CAMTA1: variants seen among roughly 807,000 people sequenced by gnomAD.
CAMTA1 encodes the protein calmodulin binding transcription activator 1.
CAMTA1 carries 27 observed loss-of-function variants against 170.9 expected under a neutral mutation model. That is an observed-to-expected ratio of 0.16 (90% CI 0.12 to 0.22). The LOEUF (loss-of-function observed/expected upper bound fraction) is 0.22. CAMTA1 is among the 10% of genes least tolerant of loss of function. CAMTA1 has a pLI of 1.00. For missense variants in CAMTA1, 1,619 were observed against 2,217.2 expected (o/e 0.73, Z 5.42); for synonymous variants, 833 against 891.5 (o/e 0.93, Z 1.17).
intron 6 of CAMTA1, among the ~76,000 whole-genome samples, chr1:7,525,028 A>T (rs2094414268): frequency 6.6e-6 from 1 of 152,122 alleles, no homozygotes; most frequent in Admixed American, 6.5e-5. Flanking sequence ...AGGGCTGCAG[A>T]CCTGCCCTTG....
intron 4 of CAMTA1, among the ~76,000 whole-genome samples, chr1:7,221,924 C>CACAT (rs1553276976): frequency 1.8e-4 from 27 of 149,762 alleles, no homozygotes; most frequent in Admixed American, 1.8e-3. Flanking sequence ...CACACACACA[C>CACAT]ACATACACAC....
At chr1:7,233,737 G>A (rs74051679) in intron 4 of CAMTA1, among the ~76,000 whole-genome samples, 20,373 of 152,096 alleles carry the variant, frequency 0.13, 4,015 homozygotes, top group African/African-American at 0.43. Context: ...CGGAATTCTC[G>A]GAGGATCCAC....
chr1:7,288,616 G>A (rs1574455714), intron 5 of CAMTA1, among the ~76,000 whole-genome samples: 2 of 152,322 alleles, frequency 1.3e-5, no homozygotes, highest in South Asian at 4.1e-4. Context: ...TGAATCAAAA[G>A]TTGAGAAGGA....
At chr1:6,840,853 C>T (rs1212793934) in intron 3 of CAMTA1, among the ~76,000 whole-genome samples, 1 of 152,174 alleles carries the variant, frequency 6.6e-6, no homozygotes, top group Non-Finnish European at 1.5e-5. Context: ...AGGAGAAGGA[C>T]ATGTTTTAAG....
intron 3 of CAMTA1, among the ~76,000 whole-genome samples, chr1:7,046,007 C>A (rs12034823): frequency 0.15 from 22,308 of 152,114 alleles, 2,270 homozygotes; most frequent in African/African-American, 0.29. Flanking sequence ...GCATCCAAAA[C>A]CCAGCTCTTC....
At chr1:7,056,678 C>T (rs916616176) in intron 3 of CAMTA1, among the ~76,000 whole-genome samples, 47 of 151,804 alleles carry the variant, frequency 3.1e-4, no homozygotes, top group African/African-American at 1.1e-3. Flanking sequence ...GAGGCAGACC[C>T]CCGAGGGACT....
Position 7,732,567 on chromosome 1 carries a change from A to G in CAMTA1, c.3034A>G (p.Ser1012Gly). The stretch of plus-strand genomic sequence containing the variant: ...CGGAGGCGGCAGCAGTGGAGGCGGC[A>G]GCGGGAGCGGGAATGGAGGGAGCCA... ...ASGGGSSGGG[S>G]GSGNGGSQAQ... The change falls in exon 12 of 23, where the codon AGC (serine) becomes GGC (glycine). Residue 1012 changes from serine (S) to glycine (G), a missense_variant. This residue lies in a region of CAMTA1 where 143 missense variants were observed against 184.2 expected (regional missense o/e 0.78). Coordinates refer to ENST00000303635, the MANE Select transcript of CAMTA1 (RefSeq NM_015215.4). The surrounding 1 kb of genome is among the most constrained non-coding windows in gnomAD (Gnocchi z 4.1). The G allele has an allele frequency of 6.2e-7, 1 of 1,611,624 alleles. No homozygotes were observed. Among genetic ancestry groups the G allele is most frequent in the South Asian group, 1.1e-5 (1 of 90,764 alleles).
Position 7,205,291 on chromosome 1 carries a change from C to T in CAMTA1, c.303-44200C>T, listed in dbSNP as rs1022314299. ...GCTAATTTTGTATTTTTAATAGAGACGGGGTTTCACTAAGTTGGTCAGGCT... is the reference window on the plus strand; with the variant it reads ...GCTAATTTTGTATTTTTAATAGAGATGGGGTTTCACTAAGTTGGTCAGGCT... On this transcript the variant is annotated intron_variant, in intron 4 of 22. Coordinates refer to ENST00000303635, the MANE Select transcript of CAMTA1 (RefSeq NM_015215.4). Among the ~76,000 whole-genome samples, 74 of 152,188 alleles carry T rather than the reference C, an allele frequency of 4.9e-4. 1 individual carries two copies. The highest frequency in any genetic ancestry group is 1.6e-3 in the African/African-American group (65 of 41,504).
intron 11 of CAMTA1, among the ~76,000 whole-genome samples, chr1:7,724,838 G>C (rs77298923): frequency 7.7e-6 from 1 of 129,900 alleles, no homozygotes. Flanking sequence ...AAAAAAAAAA[G>C]ATCGCATGTA....
intron 1 of CAMTA1, among the ~76,000 whole-genome samples, chr1:6,819,217 A>T (rs1646195572): frequency 6.6e-6 from 1 of 152,206 alleles, no homozygotes; most frequent in Non-Finnish European, 1.5e-5. Context: ...AGGATGAATA[A>T]TCTAAAATTT....
intron 5 of CAMTA1, among the ~76,000 whole-genome samples, chr1:7,329,439 T>C (rs1451321396): frequency 1.3e-5 from 2 of 152,238 alleles, no homozygotes; most frequent in African/African-American, 2.4e-5. Flanking sequence ...CAAGAGATTC[T>C]AAAATTCTTT....
At chr1:7,661,657 C>T (rs757476365) in intron 7 of CAMTA1, 69 bp from the exon 8 acceptor site, 5 of 1,574,048 alleles carry the variant, frequency 3.2e-6, no homozygotes, top group Non-Finnish European at 3.5e-6. Context: ...TGGGTCCTAC[C>T]CCTTGGCCCC....
chr1:7,720,105 G>GT (rs1268525245), intron 11 of CAMTA1, among the ~76,000 whole-genome samples: 1 of 152,200 alleles, frequency 6.6e-6, no homozygotes, highest in East Asian at 1.9e-4. Context: ...AAGTTCTCAC[G>GT]TTTGCCGATA....
chr1:7,290,903 TGAG>T (rs1210930140), intron 5 of CAMTA1, among the ~76,000 whole-genome samples: 1 of 151,876 alleles, frequency 6.6e-6, no homozygotes, highest in Admixed American at 6.6e-5. Context: ...ATTTTGCAAA[TGAG>T]GAAATGGGGG....
chr1:7,669,221 C>T (rs2096032221), intron 9 of CAMTA1, among the ~76,000 whole-genome samples: 1 of 152,212 alleles, frequency 6.6e-6, no homozygotes, highest in Non-Finnish European at 1.5e-5. Context: ...CCTCCCAGGC[C>T]AGAGCCAGGC....
At chr1:7,619,375 C>T (rs1014858317) in intron 6 of CAMTA1, among the ~76,000 whole-genome samples, 1 of 152,206 alleles carries the variant, frequency 6.6e-6, no homozygotes, top group Admixed American at 6.5e-5. Flanking sequence ...GTGCTGGCTT[C>T]GTGTGCCTCC....
At position 7,276,299 on chromosome 1, in the gene CAMTA1, A is replaced by ATTTTTTTTTTTTT. The variant is rs1440153127; in HGVS notation, c.438+26674_438+26675insTTTTTTTTTTTTT. The stretch of plus-strand genomic sequence containing the variant: ...TGATCATATATATATATATATATAT[A>ATTTTTTTTTTTTT]TATATTTTTTTTTTTTTTTTTTCTT... On this transcript the variant is annotated intron_variant, in intron 5 of 22. Transcript: ENST00000303635. Among the ~76,000 whole-genome samples, 4 of 21,398 alleles carry ATTTTTTTTTTTTT rather than the reference A, an allele frequency of 1.9e-4. No individual in the cohort carries two copies. The African/African-American group carries it at 1.9e-3, about 10-fold the overall frequency. 14.0% of individuals were successfully genotyped at this position (21,398 alleles called of 152,430 possible).
intron 7 of CAMTA1, among the ~76,000 whole-genome samples, chr1:7,655,788 C>T (rs1182359673): frequency 6.6e-6 from 1 of 152,192 alleles, no homozygotes; most frequent in African/African-American, 2.4e-5. Flanking sequence ...CGCACCTGTA[C>T]ACACACACGT....
chr1:6,964,815 C>T (rs1175957580), intron 3 of CAMTA1, among the ~76,000 whole-genome samples: 1 of 152,194 alleles, frequency 6.6e-6, no homozygotes, highest in East Asian at 1.9e-4. Flanking sequence ...GCCAGGGATT[C>T]TCTGGAAGGA....
Sources: allele counts gnomAD v4.1 joint callset (sites outside exome capture counted in the v4.1 genomes callset), GRCh38; gene constraint gnomAD v4.1.1; regional missense constraint gnomAD v4.1.1; non-coding constraint Gnocchi (gnomAD v3.1); transcripts MANE v1.5; gene names NCBI Gene and HGNC (gene_info 2026-07-23, HGNC 2026-07-21).